Variants in FAXDC2 observed in about 807,000 individuals in gnomAD.
FAXDC2 encodes the protein fatty acid hydroxylase domain-containing protein 2.
Under a neutral mutation model 40.9 loss-of-function variants are expected in FAXDC2, and 41 were observed. The observed-to-expected ratio is 1.00, with a 90% CI of 0.78 to 1.30. The LOEUF (loss-of-function observed/expected upper bound fraction) is 1.30. Ranked by LOEUF, FAXDC2 falls within the 50% of genes most tolerant of loss-of-function variation. FAXDC2 has a pLI of 0.00. For synonymous variants in FAXDC2, 157 were observed against 149.3 expected (o/e 1.05, Z -0.38); for missense variants, 390 against 408.8 (o/e 0.95, Z 0.40).
chr5:154,833,219 G>A (rs1405438099), intron 4 of FAXDC2, among the ~76,000 whole-genome samples: 2 of 151,466 alleles, frequency 1.3e-5, no homozygotes, highest in East Asian at 3.9e-4. Context: ...TGTACTTTTA[G>A]TAGAGACAGG....
intron 2 of FAXDC2, chr5:154,836,356 C>T (rs1760348910): frequency 6.6e-6 from 1 of 152,166 alleles, no homozygotes; most frequent in African/African-American, 2.4e-5. Flanking sequence ...TCCTCTAAAC[C>T]AGAAGTCATT....
chr5:154,826,941 T>G (rs1760053684), intron 5 of FAXDC2, among the ~76,000 whole-genome samples: 1 of 152,188 alleles, frequency 6.6e-6, no homozygotes, highest in African/African-American at 2.4e-5. Context: ...AATGCATAAT[T>G]CTTACATTAT....
intron 1 of FAXDC2, among the ~76,000 whole-genome samples, chr5:154,839,168 A>C (rs1406571346): frequency 1.3e-5 from 2 of 151,634 alleles, no homozygotes; most frequent in East Asian, 3.9e-4. Context: ...TCTACTGAAA[A>C]CACAAAAATT....
chr5:154,834,792 C>G, intron 3 of FAXDC2, 51 bp downstream of exon 3: 1 of 1,592,842 alleles, frequency 6.3e-7, no homozygotes, highest in South Asian at 1.1e-5. Flanking sequence ...CCCCTATGCT[C>G]TGCCCCCGAC....
rs1206674320 is a variant in FAXDC2, at chr5:154,819,001, A to G, written c.*1315T>C. 6.6e-6 allele frequency: 1 copy of G among 152,226 alleles called. No homozygotes were observed. The highest frequency in any genetic ancestry group is 6.5e-5 in the Admixed American group (1 of 15,282). 9.4% of individuals were successfully genotyped at this position (152,226 alleles called of 1,614,324 possible). Reference sequence around the variant, plus strand: ...TGCCTGGTAAGTGCTCAGCTGGCCTACTGGGCAAGTCCTCTGGGGTTCTAG... The same window carrying G: ...TGCCTGGTAAGTGCTCAGCTGGCCTGCTGGGCAAGTCCTCTGGGGTTCTAG... On this transcript the variant is annotated 3_prime_UTR_variant, in exon 9 of 9. Coordinates refer to ENST00000326080, the MANE Select transcript of FAXDC2 (RefSeq NM_032385.5).
chr5:154,842,096 ATT>A (rs1489007084), intron 1 of FAXDC2, among the ~76,000 whole-genome samples: 5 of 152,062 alleles, frequency 3.3e-5, no homozygotes, highest in African/African-American at 1.2e-4. Flanking sequence ...AGCATGGATC[ATT>A]AAGCACAAGG....
chr5:154,827,896 C>T (rs1051880055), intron 5 of FAXDC2, among the ~76,000 whole-genome samples: 2 of 151,232 alleles, frequency 1.3e-5, no homozygotes, highest in African/African-American at 4.9e-5. Flanking sequence ...GTCACTCAGG[C>T]TAGAGTGTAG....
intron 4 of FAXDC2, 140 bp from the exon 5 acceptor site, chr5:154,831,062 G>A: frequency 1.1e-6 from 1 of 920,606 alleles, no homozygotes; most frequent in East Asian, 2.5e-5. Context: ...TTGGGACCAA[G>A]GGGTTACCTG....
chr5:154,840,982 A>C (rs562381398), intron 1 of FAXDC2, among the ~76,000 whole-genome samples: 1 of 152,286 alleles, frequency 6.6e-6, no homozygotes, highest in East Asian at 1.9e-4. Context: ...TACCACTGTG[A>C]GTCCCATTAC....
At chr5:154,823,335 G>A in intron 6 of FAXDC2, 52 bp downstream of exon 6, 3 of 1,547,000 alleles carry the variant, frequency 1.9e-6, no homozygotes, top group Non-Finnish European at 2.7e-6. Context: ...GTTGATCAGT[G>A]AGCCCTAGAC....
chr5:154,832,487 C>T (rs1303050613), intron 4 of FAXDC2, among the ~76,000 whole-genome samples: 1 of 152,124 alleles, frequency 6.6e-6, no homozygotes, highest in Non-Finnish European at 1.5e-5. Flanking sequence ...AGGCGTGAGC[C>T]ACTGCGCCTG....
At chr5:154,821,515 G>T in intron 7 of FAXDC2, 89 bp from the exon 8 acceptor site, 2 of 1,042,552 alleles carry the variant, frequency 1.9e-6, no homozygotes, top group Admixed American at 3.4e-5. Context: ...GGTACCAGAG[G>T]CAAACTTCCT....
chr5:154,824,689 C>G (rs931575763), intron 5 of FAXDC2: 30 of 637,136 alleles, frequency 4.7e-5, no homozygotes, highest in Admixed American at 7.1e-5. Context: ...ATGTAGCACT[C>G]AGTGTACTGG....
At chr5:154,842,719 A>G (rs1196109355) in intron 1 of FAXDC2, among the ~76,000 whole-genome samples, 1 of 147,106 alleles carries the variant, frequency 6.8e-6, no homozygotes, top group Non-Finnish European at 1.5e-5. Flanking sequence ...TTAAGTAGAG[A>G]TGGGGTTTCA....
intron 1 of FAXDC2, among the ~76,000 whole-genome samples, chr5:154,846,053 C>T (rs904132779): frequency 5.9e-5 from 9 of 151,886 alleles, no homozygotes; most frequent in Non-Finnish European, 8.8e-5. Flanking sequence ...CTGCCTGCCT[C>T]GGCCTCCCAA....
At chr5:154,841,250 A>G (rs1280040083) in intron 1 of FAXDC2, among the ~76,000 whole-genome samples, 1 of 152,190 alleles carries the variant, frequency 6.6e-6, no homozygotes, top group Non-Finnish European at 1.5e-5. Context: ...ACTGACAGCA[A>G]GGGAAGCTAC....
At position 154,820,277 on chromosome 5, in the gene FAXDC2, A is replaced by T; in HGVS notation, c.*39T>A. On this transcript the variant is annotated 3_prime_UTR_variant, in exon 9 of 9. Transcript: ENST00000326080. ...AATCAGGAAGCCGTGTCTGCATCCC[A>T]TGGCTGAGGGACAGCCAGGATGACA... 6.5e-7 allele frequency: 1 copy of T among 1,530,554 alleles called. No homozygotes were observed. Among genetic ancestry groups the T allele is most frequent in the Non-Finnish European group, 8.8e-7 (1 of 1,130,108 alleles). 94.8% of individuals were successfully genotyped at this position (1,530,554 alleles called of 1,614,324 possible).
chr5:154,830,779 C>T, intron 5 of FAXDC2, 22 bp downstream of exon 5: 18 of 1,613,064 alleles, frequency 1.1e-5, no homozygotes, highest in Non-Finnish European at 1.5e-5. Context: ...GTGCTTTGAC[C>T]AGAAGTTGCA....
At chr5:154,832,983 C>T (rs1357562294) in intron 4 of FAXDC2, among the ~76,000 whole-genome samples, 1 of 152,092 alleles carries the variant, frequency 6.6e-6, no homozygotes, top group Non-Finnish European at 1.5e-5. Context: ...TTTATCTTCC[C>T]TTCTAGACTA....
Sources: allele counts gnomAD v4.1 joint callset (sites outside exome capture counted in the v4.1 genomes callset), GRCh38; gene constraint gnomAD v4.1.1; transcripts MANE v1.5; gene names NCBI Gene and HGNC (gene_info 2026-07-23, HGNC 2026-07-21).